The following ATP2B2 variants were observed in gnomAD, a reference collection of about 807,000 sequenced individuals.
ATP2B2 encodes ATPase plasma membrane Ca2+ transporting 2.
A neutral mutation model predicts 120.0 loss-of-function variants in ATP2B2; 15 were observed. The ratio of observed to expected loss-of-function variants is 0.12; its 90% CI spans 0.08 to 0.19. The LOEUF (loss-of-function observed/expected upper bound fraction) is 0.19. Among genes scored for constraint, ATP2B2 ranks in the 10% least tolerant of loss-of-function variants. The pLI is 1.00. For synonymous variants in ATP2B2, 694 were observed against 700.3 expected, an observed-to-expected ratio of 0.99 and a Z score of 0.14; for missense variants, 1,045 against 1,719.8, an observed-to-expected ratio of 0.61 and a Z score of 6.94.
intron 1 of ATP2B2, among the ~76,000 whole-genome samples, chr3:10,498,481 A>G (rs532135624): frequency 6.6e-6 from 1 of 152,340 alleles, no homozygotes; most frequent in Admixed American, 6.5e-5. Context: ...GGCACCCCAA[A>G]TGGCTGCCAC....
intron 2 of ATP2B2, among the ~76,000 whole-genome samples, chr3:10,612,817 G>T (rs2069278559): frequency 6.6e-6 from 1 of 152,194 alleles, no homozygotes; most frequent in Non-Finnish European, 1.5e-5. Flanking sequence ...CCTCCAACTG[G>T]TTATATGGTT....
At chr3:10,583,372 G>T (rs2068435633) in intron 2 of ATP2B2, among the ~76,000 whole-genome samples, 1 of 152,170 alleles carries the variant, frequency 6.6e-6, no homozygotes, top group South Asian at 2.1e-4. Flanking sequence ...TAAAGTGCCT[G>T]TGGAGTATTC....
At chr3:10,413,181 C>T (rs2062670025) in intron 2 of ATP2B2, among the ~76,000 whole-genome samples, 1 of 152,242 alleles carries the variant, frequency 6.6e-6, no homozygotes, top group Non-Finnish European at 1.5e-5. Context: ...GTGCATGCAA[C>T]AGACCTGGCT....
chr3:10,506,464 G>A (rs897450906), upstream of ATP2B2, among the ~76,000 whole-genome samples: 9 of 152,202 alleles, frequency 5.9e-5, no homozygotes, highest in Admixed American at 3.3e-4. Flanking sequence ...GTGAGGAGTC[G>A]GTAGGGTTGG....
rs759900032 is a variant in ATP2B2, at chr3:10,336,341, G to T, written c.3420+1835C>A. ...GAACGAGACAAGTTGCGAGAAGAAC[G>T]AGCACAACGGCTACATGACTGACAG... On this transcript the variant is annotated intron_variant, in intron 22 of 22. Coordinates refer to ENST00000360273, the MANE Select transcript of ATP2B2 (RefSeq NM_001001331.4). 4 of 1,539,120 alleles carry T rather than the reference G, an allele frequency of 2.6e-6. No individual in the cohort carries two copies. The South Asian group carries it at 4.8e-5, about 18-fold the overall frequency.
chr3:10,607,528 A>C (rs1423526065), intron 2 of ATP2B2, among the ~76,000 whole-genome samples: 1 of 152,148 alleles, frequency 6.6e-6, no homozygotes, highest in Non-Finnish European at 1.5e-5. Context: ...CACACCTGGC[A>C]CCCTGGCCAG....
In ATP2B2 at chr3:10,353,253, T is replaced by G. The variant is rs979412866; in HGVS notation, c.2137-2676A>C. 7.2e-5 allele frequency among the ~76,000 whole-genome samples: 11 copies of G among 152,184 alleles called. No homozygotes were observed. The East Asian group carries it at 2.1e-3, about 29-fold the overall frequency. ...ATAAGGGGGTTTTGTGCTGCTTCAG[T>G]GCCCTTTGTGCTACTGAAGGAGCAC... On this transcript the variant is annotated intron_variant, in intron 14 of 22. Transcript: ENST00000360273.
intron 2 of ATP2B2, among the ~76,000 whole-genome samples, chr3:10,608,491 C>A (rs993206092): frequency 2.0e-5 from 3 of 152,256 alleles, no homozygotes; most frequent in African/African-American, 4.8e-5. Flanking sequence ...ACTCCCTCAA[C>A]TGGCCTTGGA....
chr3:10,451,362 G>A (rs1283388175), intron 1 of ATP2B2, among the ~76,000 whole-genome samples: 1 of 151,002 alleles, frequency 6.6e-6, no homozygotes, highest in Non-Finnish European at 1.5e-5. Context: ...GTGGGACCCT[G>A]GGCAAGTTCC....
chr3:10,515,765 T>C lies in ATP2B2; in HGVS notation c.-320+18274A>G, dbSNP rs558174917. ...GAGCCTGGTTTCTTCATCAGTAACA[T>C]GGTGATGATATCTACTTTGGAGTTG... On this transcript the variant is annotated intron_variant, in intron 3 of 21. Transcript: ENST00000646379. Among the ~76,000 whole-genome samples the C allele has an allele frequency of 7.0e-4, 106 of 152,344 alleles. 1 individual carries two copies. Among genetic ancestry groups the C allele is most frequent in the African/African-American group, 2.5e-3 (103 of 41,576 alleles).
intron 3 of ATP2B2, among the ~76,000 whole-genome samples, chr3:10,526,181 C>T (rs1282905404): frequency 6.6e-6 from 1 of 152,248 alleles, no homozygotes; most frequent in East Asian, 1.9e-4. Flanking sequence ...CTCTCCTTCT[C>T]CTCTCTCCTC....
chr3:10,398,004 T>C (rs1406827256), intron 5 of ATP2B2, among the ~76,000 whole-genome samples: 6 of 152,194 alleles, frequency 3.9e-5, no homozygotes. Flanking sequence ...TCCCACGCAA[T>C]TGCATTTCTG....
chr3:10,603,348 G>T (rs1025852294), intron 2 of ATP2B2, among the ~76,000 whole-genome samples: 1 of 152,244 alleles, frequency 6.6e-6, no homozygotes, highest in Non-Finnish European at 1.5e-5. Flanking sequence ...AAGGATCACA[G>T]CATTGCTGTG....
chr3:10,659,370 C>T (rs975303226), intron 1 of ATP2B2, among the ~76,000 whole-genome samples: 2 of 152,138 alleles, frequency 1.3e-5, no homozygotes, highest in African/African-American at 4.8e-5. Flanking sequence ...CAGAGACACA[C>T]ATAGGCTCAA....
Position 10,378,303 on chromosome 3 carries a change from A to C in ATP2B2, c.1150T>G (p.Ser384Ala). 1 of 1,609,544 alleles carries C rather than the reference A, an allele frequency of 6.2e-7. No individual in the cohort carries two copies. Among genetic ancestry groups the C allele is most frequent in the Non-Finnish European group, 8.5e-7 (1 of 1,179,824 alleles). Residue 384 changes from serine to alanine, a missense_variant, in exon 10 of 23, where the codon TCC (serine) becomes GCC (alanine). By Grantham distance (99) the Ser-to-Ala change is moderately conservative. Around this residue, in one of 11 missense-constraint regions of ATP2B2, gnomAD observed 145 missense variants for 202.0 expected, o/e 0.72. Transcript: ENST00000360273. ...TTGGTGAGCTTGCCCTGCAGCACGG[A>C]CTTCTCCTTCTTGTGCATGCTGGCC... ...KKASMHKKEK[S>A]VLQGKLTKLA...
intron 2 of ATP2B2, among the ~76,000 whole-genome samples, chr3:10,590,697 C>A (rs1272076239): frequency 2.6e-5 from 4 of 152,224 alleles, no homozygotes; most frequent in Admixed American, 2.0e-4. Flanking sequence ...GGTTCTCCTG[C>A]CCCAAGGCAC....
intron 2 of ATP2B2, among the ~76,000 whole-genome samples, chr3:10,606,414 G>A (rs543560223): frequency 3.2e-4 from 48 of 152,240 alleles, no homozygotes; most frequent in African/African-American, 8.4e-4. Flanking sequence ...GCTGTAGTCC[G>A]CACCATCTAA....
intron 1 of ATP2B2, among the ~76,000 whole-genome samples, chr3:10,644,419 G>A (rs1594898): frequency 0.86 from 130,811 of 152,288 alleles, 56,556 homozygotes; most frequent in African/African-American, 0.96. Flanking sequence ...GTATATGCCA[G>A]AAAGAATTGA....
intron 3 of ATP2B2, among the ~76,000 whole-genome samples, chr3:10,519,653 G>C (rs1029975933): frequency 2.6e-5 from 4 of 152,320 alleles, no homozygotes; most frequent in African/African-American, 9.6e-5. Context: ...TGATAGAAAG[G>C]TTTTAGGAAC....
Sources: allele counts gnomAD v4.1 joint callset (sites outside exome capture counted in the v4.1 genomes callset), GRCh38; gene constraint gnomAD v4.1.1; regional missense constraint gnomAD v4.1.1; transcripts MANE v1.5; gene names NCBI Gene and HGNC (gene_info 2026-07-23, HGNC 2026-07-21).